The following CNIH3 variants were observed in gnomAD, a reference collection of about 807,000 sequenced individuals.
The protein encoded by CNIH3 is protein cornichon homolog 3.
Under a neutral mutation model 24.1 loss-of-function variants are expected in CNIH3, and 14 were observed. The ratio of observed to expected loss-of-function variants is 0.58; its 90% CI spans 0.38 to 0.91. The LOEUF (loss-of-function observed/expected upper bound fraction) is 0.91, where lower values mean the gene tolerates loss of function less well. CNIH3 is among the 40% of genes least tolerant of loss of function. CNIH3 has a pLI of 0.00. For missense variants in CNIH3, 178 were observed against 196.8 expected, an observed-to-expected ratio of 0.90 and a Z score of 0.57; for synonymous variants, 68 against 73.8, an observed-to-expected ratio of 0.92 and a Z score of 0.40.
intron 1 of CNIH3, among the ~76,000 whole-genome samples, chr1:224,496,228 C>A (rs1302787848): frequency 1.3e-5 from 2 of 152,150 alleles, no homozygotes; most frequent in Non-Finnish European, 2.9e-5. Flanking sequence ...TTGGCTTATA[C>A]CAACCACCAT....
chr1:224,696,053 G>A (rs950505268), intron 3 of CNIH3, among the ~76,000 whole-genome samples: 18 of 152,192 alleles, frequency 1.2e-4, no homozygotes, highest in Admixed American at 3.3e-4. Context: ...CACTATAACC[G>A]TGACTGAAAC....
intron 1 of CNIH3, among the ~76,000 whole-genome samples, chr1:224,637,443 C>A (rs1684148381): frequency 7.9e-6 from 1 of 127,370 alleles, no homozygotes; most frequent in Non-Finnish European, 1.6e-5. Flanking sequence ...AAACAAGGGG[C>A]AAAACAGTTG....
At chr1:224,497,414 G>C (rs1189129256) in intron 1 of CNIH3, among the ~76,000 whole-genome samples, 3 of 152,164 alleles carry the variant, frequency 2.0e-5, no homozygotes, top group African/African-American at 7.2e-5. Flanking sequence ...TGAATGATAT[G>C]TTGATTTTTA....
intron 1 of CNIH3, among the ~76,000 whole-genome samples, chr1:224,495,961 C>T (rs989147739): frequency 6.6e-6 from 1 of 152,124 alleles, no homozygotes; most frequent in African/African-American, 2.4e-5. Context: ...GTGAGCTATC[C>T]GTGGGCAGAG....
chr1:224,533,783 C>T (rs1038539373), intron 2 of CNIH3, among the ~76,000 whole-genome samples: 2 of 152,154 alleles, frequency 1.3e-5, no homozygotes, highest in East Asian at 3.9e-4. Flanking sequence ...TCAGTCTAAC[C>T]GCATCTCAAC....
intron 3 of CNIH3, among the ~76,000 whole-genome samples, chr1:224,699,485 C>T (rs1358046169): frequency 6.6e-6 from 1 of 152,184 alleles, no homozygotes; most frequent in Non-Finnish European, 1.5e-5. Flanking sequence ...ACTAGATCAA[C>T]GTGTCGGCAG....
chr1:224,575,087 C>T (rs970944193), intron 4 of CNIH3: 23 of 877,908 alleles, frequency 2.6e-5, no homozygotes, highest in South Asian at 3.9e-5. Context: ...TCAGCTCCCC[C>T]GACAGGCCCT....
intron 3 of CNIH3, among the ~76,000 whole-genome samples, chr1:224,715,261 G>T (rs185458062): frequency 1.3e-5 from 2 of 152,210 alleles, no homozygotes; most frequent in East Asian, 3.9e-4. Flanking sequence ...TCCTGACTCT[G>T]CACCCTCTGG....
At chr1:224,449,158 G>T (rs1447274025) in intron 1 of CNIH3, among the ~76,000 whole-genome samples, 2 of 151,788 alleles carry the variant, frequency 1.3e-5, no homozygotes, top group African/African-American at 4.8e-5. Flanking sequence ...TAGAGATGGG[G>T]TTTCACCATA....
rs1369244556 is a variant in CNIH3, at chr1:224,703,126, C to T, written c.198+18283C>T. 1.3e-5 allele frequency among the ~76,000 whole-genome samples: 2 copies of T among 152,154 alleles called. No individual in the cohort carries two copies. The highest frequency in any genetic ancestry group is 4.8e-5 in the African/African-American group (2 of 41,434). ...TTTCCAGAGCAGGAAACACTTCTGA[C>T]CTCTCAAGGTCCATCTGTCCTGGCT... On this transcript the variant is annotated intron_variant, in intron 3 of 5. Coordinates refer to ENST00000272133, the MANE Select transcript of CNIH3 (RefSeq NM_152495.2). This position sits in a 1 kb window ranked among gnomAD's most constrained non-coding sequence, Gnocchi z 4.2.
chr1:224,589,725 G>A (rs1057014684), downstream of CNIH3, among the ~76,000 whole-genome samples: 1 of 152,202 alleles, frequency 6.6e-6, no homozygotes, highest in Admixed American at 6.5e-5. Context: ...TGCTCTTTGG[G>A]TGGCTCTGTA....
intron 3 of CNIH3, among the ~76,000 whole-genome samples, chr1:224,727,500 C>T (rs184434273): frequency 2.0e-5 from 3 of 152,282 alleles, no homozygotes; most frequent in African/African-American, 7.2e-5. Context: ...AGTGGTCTGG[C>T]CTTCTCTCCA....
intron 1 of CNIH3, among the ~76,000 whole-genome samples, chr1:224,448,044 T>G (rs1357965172): frequency 6.6e-6 from 1 of 152,112 alleles, no homozygotes; most frequent in Non-Finnish European, 1.5e-5. Context: ...GTCTTTCAAG[T>G]GGCAGCAGCA....
At chr1:224,600,548 C>T (rs546739827) in intron 3 of CNIH3, among the ~76,000 whole-genome samples, 4 of 152,238 alleles carry the variant, frequency 2.6e-5, no homozygotes, top group Non-Finnish European at 5.9e-5. Context: ...GGCTGGAGTG[C>T]AGTGCAGTGG....
At chr1:224,597,272 G>A (rs1222380388) in intron 3 of CNIH3, among the ~76,000 whole-genome samples, 2 of 152,002 alleles carry the variant, frequency 1.3e-5, no homozygotes, top group Non-Finnish European at 2.9e-5. Flanking sequence ...TTCAAAGGAG[G>A]GATCTCCCCA....
chr1:224,447,534 G>C (rs1675217736), intron 1 of CNIH3, among the ~76,000 whole-genome samples: 1 of 152,192 alleles, frequency 6.6e-6, no homozygotes, highest in Non-Finnish European at 1.5e-5. Context: ...CAGAAACAGT[G>C]CTTCACCAGT....
chr1:224,682,931 C>T (rs1686472335), intron 2 of CNIH3, among the ~76,000 whole-genome samples: 1 of 152,226 alleles, frequency 6.6e-6, no homozygotes, highest in Non-Finnish European at 1.5e-5. Flanking sequence ...AAATTCCATG[C>T]TGGGTTGCAG....
At chr1:224,620,879 G>A (rs952256993) in intron 1 of CNIH3, among the ~76,000 whole-genome samples, 10 of 152,074 alleles carry the variant, frequency 6.6e-5, no homozygotes, top group African/African-American at 1.4e-4. Context: ...AAAAAAAAGC[G>A]TTCTAAAGGG....
intron 4 of CNIH3, among the ~76,000 whole-genome samples, chr1:224,577,457 G>T (rs566059735): frequency 4.0e-4 from 61 of 152,114 alleles, no homozygotes; most frequent in Non-Finnish European, 6.6e-4. Flanking sequence ...ACGAAAAAAT[G>T]CTCAACAACT....
Sources: gnomAD v4.1 joint callset for allele counts (sites outside exome capture counted in the v4.1 genomes callset) on GRCh38, gnomAD v4.1.1 for gene constraint, Gnocchi (gnomAD v3.1) non-coding constraint, MANE v1.5 for transcripts, NCBI Gene and HGNC (gene_info 2026-07-23, HGNC 2026-07-21) for gene names.